Variants in GSK3B observed in about 807,000 individuals in gnomAD.
GSK3B encodes the protein glycogen synthase kinase-3 beta.
Under a neutral mutation model 56.4 loss-of-function variants are expected in GSK3B, and 15 were observed. The observed-to-expected ratio is 0.27, with a 90% CI of 0.18 to 0.41. The LOEUF (loss-of-function observed/expected upper bound fraction) is 0.41. GSK3B is among the 10% of genes least tolerant of loss of function. GSK3B has a pLI of 1.00. For missense variants in GSK3B, 300 were observed against 513.4 expected (o/e 0.58, Z 4.02); for synonymous variants, 181 against 188.9 (o/e 0.96, Z 0.34).
At position 120,001,654 on chromosome 3, in the gene GSK3B, A is replaced by T. The variant is rs536701487; in HGVS notation, c.282+392T>A. 2.5e-4 allele frequency among the ~76,000 whole-genome samples: 38 copies of T among 152,300 alleles called. No homozygotes were observed. In the East Asian group the frequency reaches 3.1e-3, roughly 12 times the overall value. On this transcript the variant is annotated intron_variant, in intron 2 of 10. Coordinates refer to ENST00000264235, the MANE Select transcript of GSK3B (RefSeq NM_001146156.2). ...ACAAGTTGCAACATGGATTAAAAAA[A>T]TTTTTTGAAAAAAGGAAGCATAGTC...
chr3:119,906,475 G>A (rs544004113), intron 6 of GSK3B, among the ~76,000 whole-genome samples: 4 of 152,144 alleles, frequency 2.6e-5, no homozygotes, highest in African/African-American at 7.2e-5. Context: ...AATCCGGAGA[G>A]AAAACTCTAA....
At chr3:120,073,050 T>C (rs1327998141) in intron 1 of GSK3B, among the ~76,000 whole-genome samples, 2 of 151,958 alleles carry the variant, frequency 1.3e-5, no homozygotes, top group African/African-American at 4.8e-5. Flanking sequence ...TATGAAACCT[T>C]GGCAAGAGTT....
intron 3 of GSK3B, among the ~76,000 whole-genome samples, chr3:119,929,056 T>C (rs2056917669): frequency 6.6e-6 from 1 of 152,210 alleles, no homozygotes; most frequent in African/African-American, 2.4e-5. Context: ...GAATGAGTTA[T>C]GTGTGATGAT....
At chr3:119,826,976 G>A in intron 10 of GSK3B, 121 bp from the exon 11 acceptor site, 2 of 658,648 alleles carry the variant, frequency 3.0e-6, no homozygotes, top group African/African-American at 1.8e-5. Context: ...TATTTGGAAC[G>A]TTGTTTTAAA....
At chr3:119,990,081 G>T (rs1354633319) in intron 2 of GSK3B, among the ~76,000 whole-genome samples, 2 of 152,064 alleles carry the variant, frequency 1.3e-5, no homozygotes, top group East Asian at 3.9e-4. Flanking sequence ...AATGGCTAAG[G>T]TCAGCATGAC....
chr3:119,821,580 A>G lies in GSK3B; in HGVS notation c.*5208T>C, dbSNP rs780569631. 6.6e-6 allele frequency: 1 copy of G among 152,268 alleles called. No homozygotes were observed. Among genetic ancestry groups the G allele is most frequent in the Non-Finnish European group, 1.5e-5 (1 of 68,058 alleles). The allele number at this position is 152,268 out of a possible 1,614,324, so 9.4% of individuals were successfully genotyped here. On this transcript the variant is annotated 3_prime_UTR_variant, in exon 11 of 11. Transcript: ENST00000264235. ...GAGACCCCCAAAGACCATTACTAATAGGATGAAAGTTAAAAGAAAATACAG... is the reference window on the plus strand; with the variant it reads ...GAGACCCCCAAAGACCATTACTAATGGGATGAAAGTTAAAAGAAAATACAG...
intron 2 of GSK3B, among the ~76,000 whole-genome samples, chr3:119,955,757 G>A (rs1293198203): frequency 1.3e-5 from 2 of 152,192 alleles, no homozygotes; most frequent in African/African-American, 2.4e-5. Context: ...GGGTTCAAGC[G>A]ATTCTCCTGC....
rs1265069245 is a variant in GSK3B, at chr3:119,824,095, A to G, written c.*2693T>C. The G allele has an allele frequency of 4.9e-6, 1 of 202,388 alleles. No homozygotes were observed. Among genetic ancestry groups the G allele is most frequent in the Admixed American group, 6.0e-5 (1 of 16,670 alleles). 12.5% of individuals were successfully genotyped at this position (202,388 alleles called of 1,614,324 possible). On this transcript the variant is annotated 3_prime_UTR_variant, in exon 11 of 11. Coordinates refer to ENST00000264235, the MANE Select transcript of GSK3B (RefSeq NM_001146156.2). ...TTATTAAACAGAATCACTGCCCTGA[A>G]CAGTAACTTTTTGCTCATTAATAAC...
chr3:119,835,917 C>A (rs972818260), intron 10 of GSK3B, among the ~76,000 whole-genome samples: 2 of 152,148 alleles, frequency 1.3e-5, no homozygotes, highest in African/African-American at 4.8e-5. Context: ...TTTAGAAAAG[C>A]AAGCATCTAA....
At chr3:120,005,207 C>T (rs1034134093) in intron 1 of GSK3B, among the ~76,000 whole-genome samples, 5 of 151,246 alleles carry the variant, frequency 3.3e-5, no homozygotes, top group African/African-American at 1.2e-4. Context: ...TGAAATAAAG[C>T]GAGAAGACAA....
chr3:119,852,404 A>G lies in GSK3B; in HGVS notation c.1097-9051T>C, dbSNP rs1369273604. On this transcript the variant is annotated intron_variant, in intron 9 of 10. Coordinates refer to ENST00000264235, the MANE Select transcript of GSK3B (RefSeq NM_001146156.2). ...CGCTCTGCTGCCTAGGCTGGAGTGC[A>G]GTGGTGTGATCTCAGCTCACCGTGA... 4.6e-5 allele frequency among the ~76,000 whole-genome samples: 7 copies of G among 151,150 alleles called. 1 individual carries two copies. The highest frequency in any genetic ancestry group is 4.6e-4 in the Admixed American group (7 of 15,196).
intron 1 of GSK3B, among the ~76,000 whole-genome samples, chr3:120,026,574 T>C (rs1409355215): frequency 7.4e-6 from 1 of 135,934 alleles, no homozygotes; most frequent in East Asian, 2.2e-4. Context: ...CACTCTTTTT[T>C]TTTTTCTTTG....
intron 2 of GSK3B, among the ~76,000 whole-genome samples, chr3:119,979,369 A>G (rs1432117461): frequency 6.6e-6 from 1 of 152,018 alleles, no homozygotes; most frequent in Non-Finnish European, 1.5e-5. Flanking sequence ...GACCCTGCAG[A>G]TGAACCCTCT....
At chr3:119,898,415 T>G (rs919314599) in intron 7 of GSK3B, among the ~76,000 whole-genome samples, 3 of 152,240 alleles carry the variant, frequency 2.0e-5, no homozygotes, top group South Asian at 4.1e-4. Flanking sequence ...ATTACAATGG[T>G]TGAAACAGAA....
At chr3:119,903,698 A>G (rs2056648666) in intron 7 of GSK3B, among the ~76,000 whole-genome samples, 1 of 152,216 alleles carries the variant, frequency 6.6e-6, no homozygotes, top group Non-Finnish European at 1.5e-5. Context: ...CAGAAATTCT[A>G]CTTGCATTAT....
intron 2 of GSK3B, among the ~76,000 whole-genome samples, chr3:119,975,219 G>A (rs1358541068): frequency 6.6e-6 from 1 of 152,224 alleles, no homozygotes; most frequent in Non-Finnish European, 1.5e-5. Context: ...GGCCGAGGCA[G>A]GTGGATCACC....
At chr3:119,838,815 T>C (rs1410032906) in intron 10 of GSK3B, among the ~76,000 whole-genome samples, 1 of 152,226 alleles carries the variant, frequency 6.6e-6, no homozygotes, top group East Asian at 1.9e-4. Flanking sequence ...TTCTTTCCAA[T>C]AGATTTATCC....
At chr3:119,871,759 A>T (rs2056252861) in intron 8 of GSK3B, among the ~76,000 whole-genome samples, 1 of 152,144 alleles carries the variant, frequency 6.6e-6, no homozygotes, top group South Asian at 2.1e-4. Flanking sequence ...ACTAGGAGAC[A>T]ATCTGACTAA....
chr3:119,925,188 G>A (rs1329614395), intron 3 of GSK3B, among the ~76,000 whole-genome samples: 2 of 152,150 alleles, frequency 1.3e-5, no homozygotes, highest in Non-Finnish European at 2.9e-5. Context: ...AATTAGCCAG[G>A]CGTGGTGGTG....
Sources: allele counts gnomAD v4.1 joint callset (sites outside exome capture counted in the v4.1 genomes callset), GRCh38; gene constraint gnomAD v4.1.1; transcripts MANE v1.5; gene names NCBI Gene and HGNC (gene_info 2026-07-23, HGNC 2026-07-21).